Variants in NHS observed in about 807,000 individuals in gnomAD.
NHS encodes actin remodeling regulator NHS.
A neutral mutation model predicts 72.5 loss-of-function variants in NHS; 5 were observed. The observed-to-expected ratio is 0.07, with a 90% CI of 0.04 to 0.14. NHS has a LOEUF of 0.14. NHS is among the 10% of genes least tolerant of loss of function. The pLI is 1.00. For synonymous variants in NHS, 464 were observed against 547.7 expected (o/e 0.85, Z 2.13); for missense variants, 1,072 against 1,355.7 (o/e 0.79, Z 3.29).
intron 1 of NHS, among the ~76,000 whole-genome samples, chrX:17,483,844 A>G (rs1338714767): frequency 9.1e-6 from 1 of 110,468 alleles, no homozygotes; most frequent in Non-Finnish European, 1.9e-5. Flanking sequence ...AAAGGAACGT[A>G]GTAAAGGCAC....
intron 1 of NHS, among the ~76,000 whole-genome samples, chrX:17,483,499 T>A (rs770607101): frequency 5.5e-4 from 62 of 112,561 alleles, no homozygotes; most frequent in African/African-American, 2.0e-3. Context: ...TAAATTTCAG[T>A]TACAAATGAA....
At chrX:17,489,225 T>C (rs1465740283) in intron 1 of NHS, among the ~76,000 whole-genome samples, 1 of 112,404 alleles carries the variant, frequency 8.9e-6, no homozygotes, top group East Asian at 2.8e-4. Flanking sequence ...AAGTCTTTGC[T>C]ATTGTGAACA....
intron 1 of NHS, among the ~76,000 whole-genome samples, chrX:17,616,188 A>G (rs1300525221): frequency 8.9e-6 from 1 of 112,350 alleles, no homozygotes; most frequent in Admixed American, 9.4e-5. Context: ...AGTCCTTCAA[A>G]GGGCAAGTCA....
chrX:17,437,914 G>A, intron 1 of NHS, among the ~76,000 whole-genome samples: 1 of 112,209 alleles, frequency 8.9e-6, no homozygotes, highest in Non-Finnish European at 1.9e-5. Context: ...GCATTTCAAA[G>A]AGAGGGAGGG....
rs1241570586 is a variant in NHS at position 17,735,160 on chromosome X, T to G, written c.*2696T>G. On this transcript the variant is annotated 3_prime_UTR_variant, in exon 9 of 9. Coordinates refer to ENST00000676302, the MANE Select transcript of NHS (RefSeq NM_001291867.2). The stretch of plus-strand genomic sequence containing the variant: ...GTTTCTCTATTTTATATTTCATAGA[T>G]TTAAAAAACCCAAATAAAGATGGAT... 3.5e-5 allele frequency: 4 copies of G among 112,693 alleles called. No homozygotes were observed. Among genetic ancestry groups the G allele is most frequent in the African/African-American group, 1.3e-4 (4 of 30,894 alleles). The allele number at this position is 112,693 out of a possible 1,213,427, so 9.3% of individuals were successfully genotyped here.
intron 1 of NHS, among the ~76,000 whole-genome samples, chrX:17,537,766 C>T (rs778198336): frequency 1.3e-4 from 15 of 111,780 alleles, no homozygotes; most frequent in East Asian, 5.7e-4. Flanking sequence ...CTTCCTGACC[C>T]GCCAGGCTGA....
At chrX:17,469,468 G>T (rs747162711) in intron 1 of NHS, among the ~76,000 whole-genome samples, 12 of 111,691 alleles carry the variant, frequency 1.1e-4, no homozygotes, top group African/African-American at 3.9e-4. Flanking sequence ...GTATCTGGCT[G>T]GTGTTTTTCT....
At chrX:17,547,474 A>C (rs1195365555) in intron 1 of NHS, among the ~76,000 whole-genome samples, 1 of 112,263 alleles carries the variant, frequency 8.9e-6, no homozygotes, top group Non-Finnish European at 1.9e-5. Flanking sequence ...GCCAGTATTC[A>C]TTCAGAGCCC....
rs756939097 is a variant in NHS, at chrX:17,696,986, G to C, written c.852+4518G>C. Among the ~76,000 whole-genome samples, 5 of 111,445 alleles carry C rather than the reference G, an allele frequency of 4.5e-5. No individual in the cohort carries two copies. The East Asian group carries it at 8.5e-4, about 19-fold the overall frequency. ...GAAATGAACTAGCAGTGGGTCCTAA[G>C]ATTGATCTAAAACCACCACCAGAAA... On this transcript the variant is annotated intron_variant, in intron 3 of 8. Transcript: ENST00000676302.
rs757651281 is a variant in NHS at position 17,726,993 on chromosome X, C to T, written c.2887C>T (p.Leu963=). ...GAAAACAAATGATCCTTATAGATCTCTATCTAATTCAAGCACCGCTACGGG... is the reference window on the plus strand; with the variant it reads ...GAAAACAAATGATCCTTATAGATCTTTATCTAATTCAAGCACCGCTACGGG... ...DLKTNDPYRS[L]SNSSTATGTT... Residue 963 remains leucine (L), a synonymous_variant, in exon 7 of 9, where the codon CTA becomes TTA. Coordinates refer to ENST00000676302, the MANE Select transcript of NHS (RefSeq NM_001291867.2). The T allele has an allele frequency of 4.1e-6, 5 of 1,210,291 alleles. No homozygotes were observed. In the Admixed American group the frequency reaches 1.1e-4, roughly 26 times the overall value.
chrX:17,513,287 A>G (rs1183449365), intron 1 of NHS, among the ~76,000 whole-genome samples: 1 of 111,909 alleles, frequency 8.9e-6, no homozygotes, highest in Non-Finnish European at 1.9e-5. Flanking sequence ...TAGGTTACAA[A>G]TGGGCTCTTT....
At chrX:17,574,603 T>C (rs2065499790) in intron 1 of NHS, among the ~76,000 whole-genome samples, 1 of 112,140 alleles carries the variant, frequency 8.9e-6, no homozygotes, top group African/African-American at 3.2e-5. Flanking sequence ...GTACAGTCAC[T>C]CATGGCTTCC....
intron 1 of NHS, among the ~76,000 whole-genome samples, chrX:17,661,734 C>A: frequency 8.9e-6 from 1 of 111,941 alleles, no homozygotes; most frequent in Middle Eastern, 4.6e-3. Flanking sequence ...GCACTTATTC[C>A]CCAAGCACTC....
chrX:17,696,005 G>A (rs1437065207), intron 3 of NHS, among the ~76,000 whole-genome samples: 4 of 109,032 alleles, frequency 3.7e-5, no homozygotes, highest in African/African-American at 1.3e-4. Flanking sequence ...ATTAGTTTAA[G>A]ATCATTTATT....
At chrX:17,462,261 A>C (rs962122259) in intron 1 of NHS, among the ~76,000 whole-genome samples, 17 of 111,617 alleles carry the variant, frequency 1.5e-4, no homozygotes, top group Non-Finnish European at 3.2e-4. Context: ...AACAGCTCTG[A>C]GAGCTAGGTG....
intron 1 of NHS, among the ~76,000 whole-genome samples, chrX:17,535,447 C>G (rs759786908): frequency 8.9e-6 from 1 of 111,762 alleles, no homozygotes; most frequent in Non-Finnish European, 1.9e-5. Context: ...AGTCAAACAC[C>G]GCTAACAGAT....
intron 1 of NHS, among the ~76,000 whole-genome samples, chrX:17,574,413 TCCCCTCCC>T (rs1235319086): frequency 9.0e-6 from 1 of 111,715 alleles, no homozygotes; most frequent in Non-Finnish European, 1.9e-5. Flanking sequence ...CATGGTGGAC[TCCCCTCCC>T]CCCACCAAGC....
rs2066503967 is a variant in NHS, at chrX:17,733,782, TGA to T, written c.*1320_*1321del. ...TCTGGTTCACAATACTACATACAAC[TGA>T]GTTTTTGTCTGGTTTTACTATAGTG... On this transcript the variant is annotated 3_prime_UTR_variant, in exon 9 of 9. Coordinates refer to ENST00000676302, the MANE Select transcript of NHS (RefSeq NM_001291867.2). The T allele has an allele frequency of 8.9e-6, 1 of 111,901 alleles. No homozygotes were observed. Among genetic ancestry groups the T allele is most frequent in the African/African-American group, 3.3e-5 (1 of 30,630 alleles). The allele number at this position is 111,901 out of a possible 1,213,427, so 9.2% of individuals were successfully genotyped here.
rs112934357 is a variant in NHS at position 17,432,743 on chromosome X, G to GT, written c.565+56433dup. Among the ~76,000 whole-genome samples the GT allele has an allele frequency of 8.6e-3, 887 of 102,698 alleles. 9 individuals carry two copies. The highest frequency in any genetic ancestry group is 0.027 in the African/African-American group (774 of 28,497). 89.2% of individuals were successfully genotyped at this position (102,698 alleles called of 115,157 possible). A position where few individuals can be genotyped will look rare whatever the true frequency, so the allele number is the denominator to read the frequency against. ...TTCTTAAACCATTAAATTGCTAGGTGTTTTTTTTTTTTAATTAACCGAACA... is the reference window on the plus strand; with the variant it reads ...TTCTTAAACCATTAAATTGCTAGGTGTTTTTTTTTTTTTAATTAACCGAACA... On this transcript the variant is annotated intron_variant, in intron 1 of 8. Transcript: ENST00000676302.
Sources: allele counts gnomAD v4.1 joint callset (sites outside exome capture counted in the v4.1 genomes callset), GRCh38; gene constraint gnomAD v4.1.1; transcripts MANE v1.5; gene names NCBI Gene and HGNC (gene_info 2026-07-23, HGNC 2026-07-21).